PIP5K1C: variants seen among roughly 807,000 people sequenced by gnomAD.
PIP5K1C encodes the protein phosphatidylinositol 4-phosphate 5-kinase type-1 gamma.
Under a neutral mutation model 80.1 loss-of-function variants are expected in PIP5K1C, and 45 were observed. That is an observed-to-expected ratio of 0.56 (90% confidence interval 0.44 to 0.72). The LOEUF is 0.72. Among genes scored for constraint, PIP5K1C ranks in the 30% least tolerant of loss-of-function variants. The pLI is 0.00. For missense variants in PIP5K1C, 753 were observed against 954.6 expected (o/e 0.79, Z 2.78); for synonymous variants, 498 against 420.1 (o/e 1.19, Z -2.27).
At chr19:3,663,211 T>G (rs910936265) in intron 3 of PIP5K1C, among the ~76,000 whole-genome samples, 1 of 140,472 alleles carries the variant, frequency 7.1e-6, no homozygotes, top group African/African-American at 2.8e-5. Context: ...TTATTCTCAC[T>G]GTGTGCTCTC....
At position 3,642,895 on chromosome 19, in the gene PIP5K1C, GT is replaced by G. The variant is rs1457088396; in HGVS notation, c.1682+11del. On this transcript the variant is annotated intron_variant, in intron 14 of 17. Transcript: ENST00000335312. ...TGGTGAGACCCAGGGAAGGAAGGGGGTTGGGTCTCACCTGCCATCCTGTCCA... is the reference window on the plus strand; with the variant it reads ...TGGTGAGACCCAGGGAAGGAAGGGGGTGGGTCTCACCTGCCATCCTGTCCA... 16 of 1,611,000 alleles carry G rather than the reference GT, an allele frequency of 9.9e-6. No homozygotes were observed. Among genetic ancestry groups the G allele is most frequent in the Non-Finnish European group, 1.4e-5 (16 of 1,177,764 alleles).
intron 4 of PIP5K1C, among the ~76,000 whole-genome samples, chr19:3,661,405 C>G (rs2034829383): frequency 6.6e-6 from 1 of 152,224 alleles, no homozygotes; most frequent in East Asian, 1.9e-4. Flanking sequence ...ACGAGTGGAG[C>G]AGAAACACTG....
intron 15 of PIP5K1C, among the ~76,000 whole-genome samples, chr19:3,641,449 A>C (rs1404898629): frequency 2.0e-5 from 3 of 152,040 alleles, no homozygotes. Context: ...CACCCACTCC[A>C]TGCCAGGAGC....
At chr19:3,643,954 G>T in intron 12 of PIP5K1C, 133 bp downstream of exon 12, 1 of 1,080,178 alleles carries the variant, frequency 9.3e-7, no homozygotes, top group Non-Finnish European at 1.3e-6. Flanking sequence ...CCACTCCCTG[G>T]GCAGGCGGCC....
At position 3,653,721 on chromosome 19, in the gene PIP5K1C, G is replaced by A. The variant is rs10415610; in HGVS notation, c.622-132C>T. The stretch of plus-strand genomic sequence containing the variant: ...CCCCCCTCTCTCCCCAGAAGCCCTC[G>A]GGGACCCCGTTCCTATGCAGGCACC... On this transcript the variant is annotated intron_variant, in intron 6 of 17. Transcript: ENST00000335312. 0.01 allele frequency: 8,404 copies of A among 828,666 alleles called. 475 individuals are homozygous for A. In the African/African-American group the frequency reaches 0.13, roughly 13 times the overall value. The allele number at this position is 828,666 out of a possible 1,614,324, so 51.3% of individuals were successfully genotyped here. A position where few individuals can be genotyped will look rare whatever the true frequency, so the allele number is the denominator to read the frequency against.
chr19:3,651,787 G>A lies in PIP5K1C; in HGVS notation c.1127+39C>T, dbSNP rs755648266. The A allele has an allele frequency of 6.9e-6, 11 of 1,585,670 alleles. No homozygotes were observed. The South Asian group carries it at 8.8e-5, about 13-fold the overall frequency. ...ATGGGGAACTGGAGCCTGTGGGGAA[G>A]GGAAGCGGGACGGGTCCGGCGGCCC... On this transcript the variant is annotated intron_variant, in intron 8 of 17. Transcript: ENST00000335312.
intron 6 of PIP5K1C, among the ~76,000 whole-genome samples, chr19:3,656,179 G>A (rs1051105549): frequency 5.3e-5 from 8 of 152,176 alleles, no homozygotes; most frequent in Admixed American, 4.6e-4. Flanking sequence ...GCCCGGGGAC[G>A]GCCCCCAAGG....
chr19:3,655,812 C>T (rs1309553310), intron 6 of PIP5K1C, among the ~76,000 whole-genome samples: 2 of 152,184 alleles, frequency 1.3e-5, no homozygotes, highest in African/African-American at 4.8e-5. Flanking sequence ...GCGCCCACCT[C>T]GTCTGGGCGA....
At chr19:3,695,089 A>G (rs527782392) in intron 1 of PIP5K1C, among the ~76,000 whole-genome samples, 334 of 152,324 alleles carry the variant, frequency 2.2e-3, no homozygotes, top group African/African-American at 7.7e-3. Flanking sequence ...GTGGGGTCTC[A>G]CGTGGCCACT....
chr19:3,697,791 C>A (rs1046632765), intron 1 of PIP5K1C, among the ~76,000 whole-genome samples: 7 of 152,212 alleles, frequency 4.6e-5, no homozygotes, highest in Admixed American at 2.6e-4. Context: ...CAGGCCACAG[C>A]TCAGACCAAA....
Position 3,664,709 on chromosome 19 carries a change from G to C in PIP5K1C, c.219+113C>G, listed in dbSNP as rs1417118116. 1.9e-5 allele frequency: 17 copies of C among 918,610 alleles called. No individual in the cohort carries two copies. The East Asian group carries it at 4.1e-4, about 22-fold the overall frequency. 56.9% of individuals were successfully genotyped at this position (918,610 alleles called of 1,614,324 possible). ...TCCACACAGCCCACACCTGTCCCTGGGCAGACCCTGGTTTGTGTCGGGGGC... is the reference window on the plus strand; with the variant it reads ...TCCACACAGCCCACACCTGTCCCTGCGCAGACCCTGGTTTGTGTCGGGGGC... On this transcript the variant is annotated intron_variant, in intron 3 of 17. Coordinates refer to ENST00000335312, the MANE Select transcript of PIP5K1C (RefSeq NM_012398.3).
At chr19:3,678,404 A>G in intron 1 of PIP5K1C, among the ~76,000 whole-genome samples, 1 of 110,178 alleles carries the variant, frequency 9.1e-6, no homozygotes, top group Admixed American at 9.1e-5. Flanking sequence ...GGAGGGATAG[A>G]GATGGAGTGA....
chr19:3,663,717 GACA>G (rs1288304622), intron 3 of PIP5K1C, among the ~76,000 whole-genome samples: 2 of 152,232 alleles, frequency 1.3e-5, no homozygotes, highest in Non-Finnish European at 2.9e-5. Flanking sequence ...CAGAATCAGA[GACA>G]ACAATCACGA....
intron 16 of PIP5K1C, among the ~76,000 whole-genome samples, chr19:3,633,815 G>A (rs959058045): frequency 1.3e-5 from 2 of 152,046 alleles, no homozygotes; most frequent in African/African-American, 4.8e-5. Flanking sequence ...GCGGAAGCGG[G>A]TGGGGGTCGC....
At position 3,632,979 on chromosome 19, in the gene PIP5K1C, G is replaced by C; in HGVS notation, c.*188C>G. The C allele has an allele frequency of 1.9e-6, 1 of 528,944 alleles. No individual in the cohort carries two copies. Among genetic ancestry groups the C allele is most frequent in the South Asian group, 2.6e-5 (1 of 39,004 alleles). The allele number at this position is 528,944 out of a possible 1,614,324, so 32.8% of individuals were successfully genotyped here. A position where few individuals can be genotyped will look rare whatever the true frequency, so the allele number is the denominator to read the frequency against. ...ACAGGGGCAGGCTGCCGACCGGGGT[G>C]CCGGGGCCCTGGGAGGCTTGTCGGG... On this transcript the variant is annotated 3_prime_UTR_variant, in exon 18 of 18. Transcript: ENST00000335312.
At chr19:3,668,037 C>T (rs2035072280) in intron 1 of PIP5K1C, among the ~76,000 whole-genome samples, 1 of 152,154 alleles carries the variant, frequency 6.6e-6, no homozygotes, top group South Asian at 2.1e-4. Context: ...GCGAGGGGAC[C>T]CCCAGCCCTG....
intron 1 of PIP5K1C, among the ~76,000 whole-genome samples, chr19:3,687,581 A>C (rs957258042): frequency 3.3e-5 from 5 of 151,766 alleles, no homozygotes; most frequent in African/African-American, 1.2e-4. Context: ...ACACGCACAC[A>C]CATGCAGATA....
chr19:3,698,309 G>T (rs537502828), intron 1 of PIP5K1C, among the ~76,000 whole-genome samples: 1 of 152,358 alleles, frequency 6.6e-6, no homozygotes, highest in South Asian at 2.1e-4. Context: ...CTTCACAGAC[G>T]GGACGCTGAA....
chr19:3,659,884 C>A (rs1264879521), intron 5 of PIP5K1C, among the ~76,000 whole-genome samples: 1 of 152,212 alleles, frequency 6.6e-6, no homozygotes. Context: ...CGGGTGAGGG[C>A]AGGATCGGAG....
Sources: gnomAD v4.1 joint callset for allele counts (sites outside exome capture counted in the v4.1 genomes callset) on GRCh38, gnomAD v4.1.1 for gene constraint, MANE v1.5 for transcripts, NCBI Gene and HGNC (gene_info 2026-07-23, HGNC 2026-07-21) for gene names.